Variants in CASP4 observed in about 807,000 individuals in gnomAD.
CASP4 encodes caspase-4.
In CASP4, 29 loss-of-function variants were observed where a neutral mutation model predicts 41.3. The ratio of observed to expected loss-of-function variants is 0.70; its 90% CI spans 0.52 to 0.96. The LOEUF (loss-of-function observed/expected upper bound fraction) is 0.96. Ranked by LOEUF, CASP4 falls within the 40% of genes least tolerant of loss-of-function variation. The probability of loss-of-function intolerance (pLI) is 0.00; values close to 1 mark genes in which losing one functional copy is unlikely to be tolerated. For synonymous variants in CASP4, 185 were observed against 158.4 expected (o/e 1.17, Z -1.26); for missense variants, 447 against 460.6 (o/e 0.97, Z 0.27).
chr11:104,955,872 T>C (rs1175215807), intron 1 of CASP4, among the ~76,000 whole-genome samples: 1 of 152,096 alleles, frequency 6.6e-6, no homozygotes, highest in South Asian at 2.1e-4. Context: ...ATACAATCCA[T>C]GTAGATGTAA....
chr11:104,960,774 C>CT (rs898217783), intron 1 of CASP4, among the ~76,000 whole-genome samples: 17 of 151,596 alleles, frequency 1.1e-4, no homozygotes, highest in East Asian at 7.8e-4. Flanking sequence ...CACATCCAGC[C>CT]TTTTTTTTTA....
At chr11:104,958,066 A>G (rs758542085) in intron 1 of CASP4, among the ~76,000 whole-genome samples, 3 of 152,174 alleles carry the variant, frequency 2.0e-5, no homozygotes, top group Non-Finnish European at 4.4e-5. Flanking sequence ...TCAATAAATG[A>G]TATTGGGAAA....
chr11:104,960,215 G>A (rs897428013), intron 1 of CASP4, among the ~76,000 whole-genome samples: 1 of 152,000 alleles, frequency 6.6e-6, no homozygotes, highest in South Asian at 2.1e-4. Flanking sequence ...AGATTAGATG[G>A]CACCTTTCTC....
chr11:104,967,500 T>A (rs879582059), intron 1 of CASP4, among the ~76,000 whole-genome samples: 4 of 152,148 alleles, frequency 2.6e-5, no homozygotes, highest in Non-Finnish European at 5.9e-5. Flanking sequence ...GAAAAGGCAA[T>A]AGGGAGCCAC....
At chr11:104,951,820 C>G (rs1247671916) in intron 3 of CASP4, 76 bp downstream of exon 3, 5 of 932,174 alleles carry the variant, frequency 5.4e-6, no homozygotes, top group Non-Finnish European at 7.0e-6. Flanking sequence ...TCATTTAGTG[C>G]TGTAAGAAAT....
Position 104,949,540 on chromosome 11 carries a change from C to T in CASP4, c.781+3G>A, listed in dbSNP as rs1012753929. ...CTGTTAGATGTTCAGTCTCAGCACT[C>T]ACCACCTCTGCAGGCCTGGACAATG... On this transcript the variant is annotated splice_donor_region_variant and intron_variant, in intron 5 of 8. Coordinates refer to ENST00000444739, the MANE Select transcript of CASP4 (RefSeq NM_001225.4). 1 of 1,613,708 alleles carries T rather than the reference C, an allele frequency of 6.2e-7. No individual in the cohort carries two copies.
chr11:104,951,089 T>C lies in CASP4; in HGVS notation c.382A>G (p.Ile128Val), dbSNP rs1860601721. 3 of 1,612,802 alleles carry C rather than the reference T, an allele frequency of 1.9e-6. No individual in the cohort carries two copies. The highest frequency in any genetic ancestry group is 1.7e-5 in the Admixed American group (1 of 59,892). The part of the protein sequence containing the change: ...CKERAEEIYP[I>V]KERNNRTRLA... ...CGTGTGCGGTTGTTTCTCTCCTTTA[T>C]TGGATAGATCTGCAGGATATGGAGA... Residue 128 changes from isoleucine (I) to valine (V), a missense_variant, in exon 4 of 9, where the codon ATA becomes GTA. Physicochemically the swap from Ile to Val is conservative, Grantham distance 29. Transcript: ENST00000444739.
In CASP4 at chr11:104,949,603, G is replaced by C; in HGVS notation, c.721C>G (p.Arg241Gly). 1.9e-6 allele frequency: 3 copies of C among 1,613,922 alleles called. No homozygotes were observed. Among genetic ancestry groups the C allele is most frequent in the Middle Eastern group, 1.6e-4 (1 of 6,062 alleles). The change falls in exon 5 of 9, where the codon CGC becomes GGC. Residue 241 changes from arginine to glycine, a missense_variant. Transcript: ENST00000444739. ...YDTIFQIFNNRNCLSLKDKPK... is the reference protein window; with the variant it reads ...YDTIFQIFNNGNCLSLKDKPK... ...TTGTCCTTCAGACTGAGGCAGTTGC[G>C]GTTGTTGAATATCTGGAAGATGGTG...
intron 1 of CASP4, among the ~76,000 whole-genome samples, chr11:104,958,416 CACAA>C (rs1331846035): frequency 6.6e-6 from 1 of 152,022 alleles, no homozygotes; most frequent in Admixed American, 6.6e-5. Flanking sequence ...ATACAAAGAA[CACAA>C]ACAATTCAAT....
At position 104,954,976 on chromosome 11, in the gene CASP4, A is replaced by T; in HGVS notation, c.33T>A (p.Leu11=). ...CTTTGCCCAGGGATTCCAACACCTT[A>T]AGTGGCTTTTTTCTGTGGTTGCCTT... MAEGNHRKKP[L]KVLESLGKDF... Residue 11 remains leucine, a synonymous_variant, in exon 2 of 9, where the codon CTT becomes CTA. Coordinates refer to ENST00000444739, the MANE Select transcript of CASP4 (RefSeq NM_001225.4). 6.2e-7 allele frequency: 1 copy of T among 1,613,330 alleles called. No homozygotes were observed. The highest frequency in any genetic ancestry group is 8.5e-7 in the Non-Finnish European group (1 of 1,179,636).
At chr11:104,952,690 AT>A (rs1400557640) in intron 2 of CASP4, among the ~76,000 whole-genome samples, 1 of 152,072 alleles carries the variant, frequency 6.6e-6, no homozygotes, top group African/African-American at 2.4e-5. Flanking sequence ...TCAAGGCATT[AT>A]TTTTTTAGCA....
At position 104,954,778 on chromosome 11, in the gene CASP4, A is replaced by G. The variant is rs746730933; in HGVS notation, c.231T>C (p.Phe77=). ...MAGQMLLQTF[F]NIDQISPNKK... is the part of the protein sequence containing the mutation. Reference sequence around the variant, plus strand: ...TATTGGGGGATATTTGGTCTATGTTAAAAAAGGTTTGAAGAAGCATTTGTC... The same window carrying G: ...TATTGGGGGATATTTGGTCTATGTTGAAAAAGGTTTGAAGAAGCATTTGTC... The change falls in exon 2 of 9, where the codon TTT becomes TTC. Residue 77 remains phenylalanine (F), a synonymous_variant. Coordinates refer to ENST00000444739, the MANE Select transcript of CASP4 (RefSeq NM_001225.4). 23 of 1,613,022 alleles carry G rather than the reference A, an allele frequency of 1.4e-5. No homozygotes were observed. Among genetic ancestry groups the G allele is most frequent in the Non-Finnish European group, 2.0e-5 (23 of 1,179,198 alleles).
intron 1 of CASP4, among the ~76,000 whole-genome samples, chr11:104,963,627 G>A (rs776573542): frequency 2.6e-5 from 4 of 152,218 alleles, no homozygotes; most frequent in Non-Finnish European, 5.9e-5. Context: ...GCACACTTGG[G>A]TCAGAGAAGC....
chr11:104,944,724 C>T, intron 8 of CASP4, 24 bp downstream of exon 8: 7 of 1,402,336 alleles, frequency 5.0e-6, no homozygotes, highest in Non-Finnish European at 7.1e-6. Context: ...TTTCACATAC[C>T]ACCAACAACT....
At chr11:104,945,321 C>T (rs1356882994) in intron 7 of CASP4, among the ~76,000 whole-genome samples, 3 of 151,384 alleles carry the variant, frequency 2.0e-5, no homozygotes, top group Non-Finnish European at 2.9e-5. Context: ...GGTGCAACCT[C>T]GGCTCACTGC....
At chr11:104,943,316 CACA>C in intron 8 of CASP4, 1 of 250,892 alleles carries the variant, frequency 4.0e-6, no homozygotes. Context: ...CTCTTTTGGT[CACA>C]CTGTCTCATT....
intron 1 of CASP4, among the ~76,000 whole-genome samples, chr11:104,967,410 A>T (rs1204311085): frequency 3.9e-5 from 6 of 152,236 alleles, no homozygotes; most frequent in African/African-American, 1.4e-4. Flanking sequence ...ATCATGCTTT[A>T]CAAAGATTAA....
Position 104,942,881 on chromosome 11 carries a change from T to G in CASP4, c.*98A>C, listed in dbSNP as rs1485351563. Reference sequence around the variant, plus strand: ...AAAGACACAGTTCGTTTGTCTTCACTTTTATTGAAATACAAAATGTTAAAT... The same window carrying G: ...AAAGACACAGTTCGTTTGTCTTCACGTTTATTGAAATACAAAATGTTAAAT... On this transcript the variant is annotated 3_prime_UTR_variant, in exon 9 of 9. Transcript: ENST00000444739. 2.2e-6 allele frequency: 1 copy of G among 456,200 alleles called. No homozygotes were observed. The highest frequency in any genetic ancestry group is 4.4e-6 in the Non-Finnish European group (1 of 226,960). The allele number at this position is 456,200 out of a possible 1,614,324, so 28.3% of individuals were successfully genotyped here. A position where few individuals can be genotyped will look rare whatever the true frequency, so the allele number is the denominator to read the frequency against.
chr11:104,949,136 C>T (rs1370484247), intron 5 of CASP4: 5 of 276,466 alleles, frequency 1.8e-5, no homozygotes, highest in Non-Finnish European at 3.5e-5. Flanking sequence ...ATTTCCCCCT[C>T]AATAATTATA....
Sources: gnomAD v4.1 joint callset for allele counts (sites outside exome capture counted in the v4.1 genomes callset) on GRCh38, gnomAD v4.1.1 for gene constraint, MANE v1.5 for transcripts, NCBI Gene and HGNC (gene_info 2026-07-23, HGNC 2026-07-21) for gene names.